Variants in GRID2 observed in about 807,000 individuals in gnomAD.
GRID2 encodes glutamate ionotropic receptor delta type subunit 2.
In GRID2, 33 loss-of-function variants were observed where a neutral mutation model predicts 114.8. The observed-to-expected ratio is 0.29, with a 90% confidence interval of 0.22 to 0.38. GRID2 has a LOEUF of 0.38. Among genes scored for constraint, GRID2 ranks in the 10% least tolerant of loss-of-function variants. The pLI, the probability that GRID2 is intolerant of heterozygous loss-of-function variation, is 1.00. For synonymous variants in GRID2, 505 were observed against 449.9 expected, an observed-to-expected ratio of 1.12 and a Z score of -1.55; for missense variants, 1,184 against 1,257.7, an observed-to-expected ratio of 0.94 and a Z score of 0.89.
intron 2 of GRID2, among the ~76,000 whole-genome samples, chr4:93,000,406 A>T (rs1180732945): frequency 6.6e-6 from 1 of 151,656 alleles, no homozygotes; most frequent in Non-Finnish European, 1.5e-5. Context: ...AGTTTCTGAT[A>T]TACCTTTTTT....
intron 1 of GRID2, among the ~76,000 whole-genome samples, chr4:92,577,634 A>G (rs1257607150): frequency 6.6e-6 from 1 of 152,158 alleles, no homozygotes; most frequent in African/African-American, 2.4e-5. Context: ...TTGTAACAGG[A>G]CTTGGTATGT....
At position 92,807,006 on chromosome 4, in the gene GRID2, A is replaced by G. The variant is rs186997414; in HGVS notation, c.244+216720A>G. 9.0e-4 allele frequency among the ~76,000 whole-genome samples: 137 copies of G among 152,080 alleles called. 1 individual carries two copies. In the Middle Eastern group the frequency reaches 0.024, roughly 26 times the overall value. Reference sequence around the variant, plus strand: ...TAGGGAATTTAAAAGAAATATGTCAATTGTTCACCTATTATCTGGAAAATC... The same window carrying G: ...TAGGGAATTTAAAAGAAATATGTCAGTTGTTCACCTATTATCTGGAAAATC... On this transcript the variant is annotated intron_variant, in intron 2 of 15. Coordinates refer to ENST00000282020, the MANE Select transcript of GRID2 (RefSeq NM_001510.4).
intron 1 of GRID2, among the ~76,000 whole-genome samples, chr4:92,440,484 G>A (rs1353629643): frequency 1.3e-5 from 2 of 152,128 alleles, no homozygotes. Flanking sequence ...AAGCTAATTT[G>A]CCAGTCCTGG....
chr4:92,889,561 C>G (rs1023013800), intron 2 of GRID2, among the ~76,000 whole-genome samples: 24 of 152,148 alleles, frequency 1.6e-4, no homozygotes, highest in African/African-American at 5.8e-4. Context: ...ATACAACTTA[C>G]ACAGGATGTG....
chr4:93,470,160 A>AT, intron 11 of GRID2, among the ~76,000 whole-genome samples: 1 of 152,184 alleles, frequency 6.6e-6, no homozygotes, highest in East Asian at 1.9e-4. Context: ...ACACAAACAC[A>AT]TTTTTTATAA....
chr4:93,470,298 T>C (rs930444586), intron 11 of GRID2, among the ~76,000 whole-genome samples: 14 of 152,108 alleles, frequency 9.2e-5, no homozygotes, highest in African/African-American at 3.4e-4. Context: ...AAGAGAGTAA[T>C]TTGGCTAAGT....
chr4:93,209,621 G>C (rs902579841), intron 5 of GRID2, among the ~76,000 whole-genome samples: 7 of 152,074 alleles, frequency 4.6e-5, no homozygotes, highest in Non-Finnish European at 8.8e-5. Flanking sequence ...CCAGTAATGG[G>C]ATTGCTGGGT....
chr4:92,932,498 C>T (rs1439592367), intron 2 of GRID2, among the ~76,000 whole-genome samples: 1 of 151,224 alleles, frequency 6.6e-6, no homozygotes, highest in South Asian at 2.1e-4. Flanking sequence ...AATAGTACAA[C>T]AATTTTAGAG....
At chr4:93,113,415 T>A (rs1732955768) in intron 4 of GRID2, among the ~76,000 whole-genome samples, 3 of 152,170 alleles carry the variant, frequency 2.0e-5, no homozygotes, top group Admixed American at 2.0e-4. Flanking sequence ...GCACTTAACC[T>A]TGGTTCCCAG....
intron 1 of GRID2, among the ~76,000 whole-genome samples, chr4:92,366,940 A>G (rs989184758): frequency 6.6e-6 from 1 of 152,096 alleles, no homozygotes; most frequent in Non-Finnish European, 1.5e-5. Context: ...AATGTCTTTT[A>G]TAGAAAAGTA....
intron 2 of GRID2, among the ~76,000 whole-genome samples, chr4:93,072,245 AG>A (rs1728874855): frequency 6.6e-6 from 1 of 152,144 alleles, no homozygotes; most frequent in African/African-American, 2.4e-5. Flanking sequence ...ACATCCAAAG[AG>A]GGACAAGTAC....
chr4:92,902,178 A>G (rs1049449247), intron 2 of GRID2, among the ~76,000 whole-genome samples: 4 of 152,102 alleles, frequency 2.6e-5, no homozygotes, highest in African/African-American at 9.7e-5. Context: ...TTGAAAAGTT[A>G]CATATTTCTG....
rs138791128 is a variant in GRID2 at position 92,874,520 on chromosome 4, T to C, written c.245-210475T>C. Among the ~76,000 whole-genome samples the C allele has an allele frequency of 2.0e-5, 3 of 152,296 alleles. No individual in the cohort carries two copies. The East Asian group carries it at 5.8e-4, about 29-fold the overall frequency. ...ATAAAAATTGGGTTCAATATGACTT[T>C]TACAACACTATTTTAAACATCCAAA... On this transcript the variant is annotated intron_variant, in intron 2 of 15. Transcript: ENST00000282020.
At chr4:92,912,877 G>T (rs762425659) in intron 2 of GRID2, among the ~76,000 whole-genome samples, 1 of 151,764 alleles carries the variant, frequency 6.6e-6, no homozygotes, top group Non-Finnish European at 1.5e-5. Context: ...AATCACAGAT[G>T]AGTTGTAATT....
intron 12 of GRID2, among the ~76,000 whole-genome samples, chr4:93,511,298 C>T (rs1004649519): frequency 4.6e-5 from 7 of 152,100 alleles, no homozygotes; most frequent in African/African-American, 1.4e-4. Flanking sequence ...TTTACAGAAA[C>T]CTAAAGCCAC....
chr4:93,345,910 C>T (rs1404324661), intron 8 of GRID2, among the ~76,000 whole-genome samples: 1 of 151,906 alleles, frequency 6.6e-6, no homozygotes, highest in Non-Finnish European at 1.5e-5. Context: ...TGTCCTTTTC[C>T]CATTTTGTGT....
chr4:92,722,929 C>A (rs1361000557), intron 2 of GRID2, among the ~76,000 whole-genome samples: 2 of 152,184 alleles, frequency 1.3e-5, no homozygotes, highest in Admixed American at 1.3e-4. Flanking sequence ...ATATTCAAAT[C>A]CTAAATCTTT....
intron 1 of GRID2, among the ~76,000 whole-genome samples, chr4:92,549,228 A>C (rs931249543): frequency 1.3e-5 from 2 of 152,102 alleles, no homozygotes; most frequent in Non-Finnish European, 2.9e-5. Flanking sequence ...TATAACACTT[A>C]AATATTTGTT....
At chr4:93,471,361 G>A (rs888709928) in intron 11 of GRID2, among the ~76,000 whole-genome samples, 2 of 152,104 alleles carry the variant, frequency 1.3e-5, no homozygotes, top group African/African-American at 2.4e-5. Context: ...TTCAAAAATT[G>A]TATTCCGTAA....
Sources: allele counts gnomAD v4.1 joint callset (sites outside exome capture counted in the v4.1 genomes callset), GRCh38; gene constraint gnomAD v4.1.1; transcripts MANE v1.5; gene names NCBI Gene and HGNC (gene_info 2026-07-23, HGNC 2026-07-21).